SLC35E4: variants seen among roughly 807,000 people sequenced by gnomAD.
The protein encoded by SLC35E4 is solute carrier family 35 member E4, also known as solute carrier family 35, member E4.
A neutral mutation model predicts 19.3 loss-of-function variants in SLC35E4; 15 were observed. The observed-to-expected ratio is 0.78, with a 90% CI of 0.52 to 1.20. The LOEUF is 1.20. Among genes scored for constraint, SLC35E4 ranks in the 50% most tolerant of loss-of-function variants. The pLI is 0.00. For synonymous variants in SLC35E4, 219 were observed against 219.9 expected, an observed-to-expected ratio of 1.00 and a Z score of 0.04; for missense variants, 406 against 472.3, an observed-to-expected ratio of 0.86 and a Z score of 1.30.
At chr22:30,665,002 G>C (rs1357327272), downstream of SLC35E4, 1 of 152,762 alleles carries the variant, frequency 6.5e-6, no homozygotes. Context: ...TAGAGGTTCA[G>C]CCGCAGATCT....
At chr22:30,642,400 A>G (rs2088057304) in intron 1 of SLC35E4, among the ~76,000 whole-genome samples, 1 of 152,110 alleles carries the variant, frequency 6.6e-6, no homozygotes, top group South Asian at 2.1e-4. Context: ...GGCTGATGCC[A>G]GCTCCATTCC....
At chr22:30,658,948 T>C (rs1016190594) in intron 2 of SLC35E4, among the ~76,000 whole-genome samples, 4 of 151,674 alleles carry the variant, frequency 2.6e-5, no homozygotes, top group African/African-American at 9.7e-5. Flanking sequence ...ATCGAGACCA[T>C]CCTGGCTAAC....
At chr22:30,655,295 A>G (rs1049995188) in intron 2 of SLC35E4, among the ~76,000 whole-genome samples, 154 of 108,878 alleles carry the variant, frequency 1.4e-3, no homozygotes, top group African/African-American at 4.7e-3. Flanking sequence ...GTCTCTACGG[A>G]AAAAAAAAAA....
chr22:30,667,106 G>C (rs1013836461), downstream of SLC35E4: 3 of 152,192 alleles, frequency 2.0e-5, no homozygotes, highest in Non-Finnish European at 2.9e-5. Context: ...TACAGCCTAT[G>C]AAGTATTTGG....
In SLC35E4 at chr22:30,646,879, C is replaced by T. The variant is rs1217818387; in HGVS notation, c.901C>T (p.Leu301=). ...GGTGGGCAACCTCATCCTGTCCCGG[C>T]TGTTGTTTGGCAGCCGCCTCAGTGC... The part of the protein sequence containing the change: ...TVVGNLILSR[L]LFGSRLSALS... The change falls in exon 2 of 2, where the codon CTG becomes TTG. Residue 301 remains leucine, a synonymous_variant. Transcript: ENST00000343605. The T allele has an allele frequency of 6.2e-7, 1 of 1,614,140 alleles. No individual in the cohort carries two copies. The highest frequency in any genetic ancestry group is 1.3e-5 in the African/African-American group (1 of 74,956).
chr22:30,648,717 C>A (rs950321238), downstream of SLC35E4, among the ~76,000 whole-genome samples: 1 of 152,036 alleles, frequency 6.6e-6, no homozygotes. Context: ...CCAACAAGAC[C>A]GAAACTCCAT....
rs922512734 is a variant in SLC35E4, at chr22:30,646,908, C to T, written c.930C>T (p.Leu310=). 3.1e-6 allele frequency: 5 copies of T among 1,614,150 alleles called. No individual in the cohort carries two copies. The African/African-American group carries it at 4.0e-5, about 13-fold the overall frequency. ...TGTTTGGCAGCCGCCTCAGTGCCCT[C>T]AGCTACGTGGGCATCGCACTCACTC... ...RLLFGSRLSA[L]SYVGIALTLS... Residue 310 remains leucine, a synonymous_variant, in exon 2 of 2, where the codon CTC becomes CTT. Transcript: ENST00000343605.
intron 1 of SLC35E4, 52 bp downstream of exon 1, chr22:30,637,121 G>A (rs760028825): frequency 2.4e-5 from 36 of 1,522,428 alleles, no homozygotes; most frequent in African/African-American, 4.2e-5. Flanking sequence ...TGGGTGCATG[G>A]CCTGGATGGC....
chr22:30,662,672 A>G (rs1434023926), exon 3 of SLC35E4: 2 of 151,942 alleles, frequency 1.3e-5, no homozygotes, highest in African/African-American at 4.8e-5. Flanking sequence ...ATAAAAAAAG[A>G]AAAAAAATGA....
At chr22:30,645,332 C>T (rs911104053) in intron 1 of SLC35E4, among the ~76,000 whole-genome samples, 3 of 152,202 alleles carry the variant, frequency 2.0e-5, no homozygotes, top group South Asian at 2.1e-4. Context: ...ACTGGCTCAA[C>T]GCCTGTAATC....
In SLC35E4 at chr22:30,646,903, G is replaced by T. The variant is rs2088141864; in HGVS notation, c.925G>T (p.Ala309Ser). 1.1e-5 allele frequency: 18 copies of T among 1,614,232 alleles called. No individual in the cohort carries two copies. Among genetic ancestry groups the T allele is most frequent in the Non-Finnish European group, 1.5e-5 (18 of 1,180,038 alleles). The change falls in exon 2 of 2, where the codon GCC (alanine) becomes TCC (serine). Residue 309 changes from alanine (A) to serine (S), a missense_variant. Physicochemically the swap from Ala to Ser is moderately conservative, Grantham distance 99. Transcript: ENST00000343605. ...SRLLFGSRLS[A>S]LSYVGIALTL... Reference sequence around the variant, plus strand: ...GCTGTTGTTTGGCAGCCGCCTCAGTGCCCTCAGCTACGTGGGCATCGCACT... The same window carrying T: ...GCTGTTGTTTGGCAGCCGCCTCAGTTCCCTCAGCTACGTGGGCATCGCACT...
intron 1 of SLC35E4, among the ~76,000 whole-genome samples, chr22:30,645,149 G>A (rs751880169): frequency 6.6e-6 from 1 of 152,098 alleles, no homozygotes; most frequent in Non-Finnish European, 1.5e-5. Context: ...CTTTTTTAAT[G>A]CAAAGGCCCC....
chr22:30,644,615 A>G (rs1393874981), intron 1 of SLC35E4, among the ~76,000 whole-genome samples: 1 of 152,144 alleles, frequency 6.6e-6, no homozygotes, highest in Non-Finnish European at 1.5e-5. Context: ...GTGATGGTGC[A>G]TGCCTGTAGC....
chr22:30,649,035 ACT>A (rs774162975), downstream of SLC35E4: 14 of 616,886 alleles, frequency 2.3e-5, no homozygotes, highest in Non-Finnish European at 3.9e-5. Flanking sequence ...GTAACACCTA[ACT>A]CTCCCCAGCC....
Position 30,636,316 on chromosome 22 carries a change from C to T in SLC35E4, c.-135C>T. 2.5e-6 allele frequency: 3 copies of T among 1,212,638 alleles called. No individual in the cohort carries two copies. Among genetic ancestry groups the T allele is most frequent in the Admixed American group, 2.9e-5 (1 of 34,388 alleles). The allele number at this position is 1,212,638 out of a possible 1,614,324, so 75.1% of individuals were successfully genotyped here. ...CTGGCACAGGCCTGGCACAAGTAAG[C>T]AGTGTCCTCACCTGTCTGAAACGGG... On this transcript the variant is annotated 5_prime_UTR_variant, in exon 1 of 2. Coordinates refer to ENST00000343605, the MANE Select transcript of SLC35E4 (RefSeq NM_001001479.4).
At chr22:30,663,509 G>A (rs748239500), downstream of SLC35E4, 2 of 1,614,166 alleles carry the variant, frequency 1.2e-6, no homozygotes, top group East Asian at 2.2e-5. Flanking sequence ...AACTGACCAT[G>A]TGCACAGTGT....
rs2088161301 is a variant in SLC35E4 at position 30,647,845 on chromosome 22, C to G, written c.*814C>G. 6.6e-6 allele frequency: 1 copy of G among 152,430 alleles called. No individual in the cohort carries two copies. The highest frequency in any genetic ancestry group is 2.4e-5 in the African/African-American group (1 of 41,426). The allele number at this position is 152,430 out of a possible 1,614,324, so 9.4% of individuals were successfully genotyped here. ...CAGCTGCTGTGGCCTCACCCCTGGG[C>G]CCCCCAATTTTGGGTCATCCATCCT... On this transcript the variant is annotated 3_prime_UTR_variant, in exon 2 of 2. Transcript: ENST00000343605.
rs367681234 is a variant in SLC35E4, at chr22:30,646,788, G to C, written c.810G>C (p.Leu270=). 1.1e-5 allele frequency: 17 copies of C among 1,614,152 alleles called. No individual in the cohort carries two copies. The highest frequency in any genetic ancestry group is 1.4e-5 in the Non-Finnish European group (17 of 1,180,026). Residue 270 remains leucine (L), a synonymous_variant, in exon 2 of 2, where the codon CTG becomes CTC. Transcript: ENST00000343605. ...LSCLLSVLYN[L]ASFSLLALTS... ...GCCTCCTGTCTGTTCTCTATAACCT[G>C]GCCAGCTTCTCCCTGCTGGCCCTCA...
At chr22:30,658,332 A>C (rs910360188) in intron 2 of SLC35E4, among the ~76,000 whole-genome samples, 4 of 151,228 alleles carry the variant, frequency 2.6e-5, no homozygotes, top group Non-Finnish European at 4.4e-5. Context: ...TGAGGCCAGG[A>C]GTTTGAGACC....
Sources: gnomAD v4.1 joint callset for allele counts (sites outside exome capture counted in the v4.1 genomes callset) on GRCh38, gnomAD v4.1.1 for gene constraint, MANE v1.5 for transcripts, NCBI Gene and HGNC (gene_info 2026-07-23, HGNC 2026-07-21) for gene names.